The following ARMC12 variants were observed in gnomAD, a reference collection of about 807,000 sequenced individuals.
ARMC12 encodes armadillo repeat-containing protein 12.
Under a neutral mutation model 37.4 loss-of-function variants are expected in ARMC12, and 25 were observed. The ratio of observed to expected loss-of-function variants is 0.67; its 90% CI spans 0.49 to 0.93. The LOEUF (loss-of-function observed/expected upper bound fraction) is 0.93, where lower values mean the gene tolerates loss of function less well. Among genes scored for constraint, ARMC12 ranks in the 40% least tolerant of loss-of-function variants. ARMC12 has a pLI of 0.00. For missense variants in ARMC12, 384 were observed against 426.6 expected, an observed-to-expected ratio of 0.90 and a Z score of 0.88; for synonymous variants, 167 against 176.1, an observed-to-expected ratio of 0.95 and a Z score of 0.41.
intron 2 of ARMC12, 90 bp from the exon 3 acceptor site, chr6:35,738,294 G>GTGTGC: frequency 2.1e-6 from 3 of 1,429,922 alleles, no homozygotes; most frequent in South Asian, 1.3e-5. Context: ...GGTGGGGGGG[G>GTGTGC]GGTGTGCGGA....
At chr6:35,732,365 A>C (rs899200103), upstream of ARMC12, among the ~76,000 whole-genome samples, 4 of 152,284 alleles carry the variant, frequency 2.6e-5, no homozygotes, top group African/African-American at 9.6e-5. Flanking sequence ...GAAAGTACAC[A>C]CATTATCTCA....
chr6:35,731,712 G>C, the ARMC12 span, among the ~76,000 whole-genome samples: 1 of 152,184 alleles, frequency 6.6e-6, no homozygotes, highest in African/African-American at 2.4e-5. Context: ...CCCTCACCCG[G>C]GTGAACTAGC....
In ARMC12 at chr6:35,748,889, A is replaced by C. The variant is rs1173878159; in HGVS notation, c.*19A>C. 1.3e-6 allele frequency: 2 copies of C among 1,595,696 alleles called. No homozygotes were observed. The highest frequency in any genetic ancestry group is 2.7e-5 in the African/African-American group (2 of 74,210). ...GGAATAAAATTAAGGAGAGCCAATAAATGAGTATAGGAGAGAAACTTGAAG... is the reference window on the plus strand; with the variant it reads ...GGAATAAAATTAAGGAGAGCCAATACATGAGTATAGGAGAGAAACTTGAAG... On this transcript the variant is annotated 3_prime_UTR_variant, in exon 6 of 6. Transcript: ENST00000373866.
In ARMC12 at chr6:35,747,559, C is replaced by T; in HGVS notation, c.619-17C>T. ...GACTCACCTGCCTTCTCATGCTTTACTCTTTCCTTTATTCAGGTGCAAGCC... is the reference window on the plus strand; with the variant it reads ...GACTCACCTGCCTTCTCATGCTTTATTCTTTCCTTTATTCAGGTGCAAGCC... On this transcript the variant is annotated splice_polypyrimidine_tract_variant and intron_variant, in intron 4 of 5. Transcript: ENST00000373866. 6.3e-7 allele frequency: 1 copy of T among 1,590,124 alleles called. No individual in the cohort carries two copies. The highest frequency in any genetic ancestry group is 8.6e-7 in the Non-Finnish European group (1 of 1,158,802).
At chr6:35,732,366 CATT>C (rs1766855164), upstream of ARMC12, among the ~76,000 whole-genome samples, 1 of 152,218 alleles carries the variant, frequency 6.6e-6, no homozygotes, top group South Asian at 2.1e-4. Flanking sequence ...AAAGTACACA[CATT>C]ATCTCAGTCC....
At chr6:35,733,377 C>G (rs1766879924), upstream of ARMC12, among the ~76,000 whole-genome samples, 1 of 152,180 alleles carries the variant, frequency 6.6e-6, no homozygotes, top group Non-Finnish European at 1.5e-5. Flanking sequence ...TTGTTGAGCT[C>G]TGTGTGTTGG....
the ARMC12 span, among the ~76,000 whole-genome samples, chr6:35,731,889 G>A: frequency 1.3e-5 from 2 of 152,230 alleles, no homozygotes; most frequent in African/African-American, 4.8e-5. Context: ...CCCCGCCTAG[G>A]AGGCGCGCAG....
At chr6:35,732,884 A>T (rs1449663368), upstream of ARMC12, among the ~76,000 whole-genome samples, 2 of 152,194 alleles carry the variant, frequency 1.3e-5, no homozygotes, top group South Asian at 4.1e-4. Flanking sequence ...CTTTAAGAAG[A>T]CCAGGGAGGC....
intron 3 of ARMC12, among the ~76,000 whole-genome samples, chr6:35,741,495 A>G (rs1396227362): frequency 1.3e-5 from 2 of 151,554 alleles, no homozygotes; most frequent in East Asian, 3.9e-4. Flanking sequence ...GCTCACTACA[A>G]CCTCTGCCTC....
At chr6:35,739,521 C>G (rs1445787782) in intron 3 of ARMC12, among the ~76,000 whole-genome samples, 1 of 152,052 alleles carries the variant, frequency 6.6e-6, no homozygotes, top group East Asian at 1.9e-4. Context: ...TCCCAATAAA[C>G]TTGTTTGTGG....
intron 3 of ARMC12, among the ~76,000 whole-genome samples, chr6:35,741,502 C>G (rs1190075013): frequency 6.6e-6 from 1 of 151,738 alleles, no homozygotes; most frequent in Non-Finnish European, 1.5e-5. Context: ...ACAACCTCTG[C>G]CTCCCAGGTT....
upstream of ARMC12, among the ~76,000 whole-genome samples, chr6:35,732,068 G>A (rs1766845173): frequency 2.0e-5 from 3 of 152,162 alleles, no homozygotes; most frequent in South Asian, 2.1e-4. Flanking sequence ...GAGGTAGTCC[G>A]GGGAGGGAGA....
In ARMC12 at chr6:35,748,886, A is replaced by G. The variant is rs375008026; in HGVS notation, c.*16A>G. 1.3e-6 allele frequency: 2 copies of G among 1,596,078 alleles called. No individual in the cohort carries two copies. The highest frequency in any genetic ancestry group is 1.3e-5 in the African/African-American group (1 of 74,266). On this transcript the variant is annotated 3_prime_UTR_variant, in exon 6 of 6. Transcript: ENST00000373866. ...CACGGAATAAAATTAAGGAGAGCCA[A>G]TAAATGAGTATAGGAGAGAAACTTG...
chr6:35,733,915 G>A (rs1766893857), upstream of ARMC12: 2 of 152,244 alleles, frequency 1.3e-5, no homozygotes, highest in South Asian at 4.1e-4. Flanking sequence ...ATGGCAAAGA[G>A]GTGTGTGCTT....
the ARMC12 span, among the ~76,000 whole-genome samples, chr6:35,731,759 C>T: frequency 2.0e-5 from 3 of 152,288 alleles, no homozygotes; most frequent in Non-Finnish European, 2.9e-5. Flanking sequence ...AGTGAGCCCT[C>T]TCCAACAGCT....
intron 3 of ARMC12, among the ~76,000 whole-genome samples, chr6:35,743,520 C>A (rs1450890464): frequency 6.6e-6 from 1 of 152,130 alleles, no homozygotes; most frequent in African/African-American, 2.4e-5. Flanking sequence ...GTCCTGCCCG[C>A]ATCTTGCATC....
chr6:35,733,302 C>T (rs1766878441), upstream of ARMC12, among the ~76,000 whole-genome samples: 1 of 152,232 alleles, frequency 6.6e-6, no homozygotes, highest in African/African-American at 2.4e-5. Context: ...GTTCTCACTG[C>T]CTGCCCACGC....
At position 35,737,107 on chromosome 6, in the gene ARMC12, A is replaced by T. The variant is rs779503878; in HGVS notation, c.-2A>T. On this transcript the variant is annotated 5_prime_UTR_variant, in exon 1 of 6. Transcript: ENST00000373866. ...ACCTGGGCCCAGGGCAACACTGAAG[A>T]CATGGGCAAGAGCATCCCCCAATAC... The T allele has an allele frequency of 6.2e-7, 1 of 1,614,066 alleles. No individual in the cohort carries two copies. The highest frequency in any genetic ancestry group is 8.5e-7 in the Non-Finnish European group (1 of 1,180,000).
At chr6:35,737,334 G>A in intron 1 of ARMC12, 63 bp downstream of exon 1, 1 of 1,614,196 alleles carries the variant, frequency 6.2e-7, no homozygotes, top group South Asian at 1.1e-5. Flanking sequence ...CGAGGCCTCT[G>A]CTGTGGGAGG....
Sources: gnomAD v4.1 joint callset for allele counts (sites outside exome capture counted in the v4.1 genomes callset) on GRCh38, gnomAD v4.1.1 for gene constraint, MANE v1.5 for transcripts, NCBI Gene and HGNC (gene_info 2026-07-23, HGNC 2026-07-21) for gene names.